The following ESR1 variants were observed in gnomAD, a reference collection of about 807,000 sequenced individuals.
The protein encoded by ESR1 is estrogen receptor.
ESR1 carries 12 observed loss-of-function variants against 52.7 expected under a neutral mutation model. The observed-to-expected ratio is 0.23, with a 90% CI of 0.15 to 0.37. The LOEUF is 0.37. Among genes scored for constraint, ESR1 ranks in the 10% least tolerant of loss-of-function variants. The pLI is 1.00. For synonymous variants in ESR1, 305 were observed against 316.8 expected (o/e 0.96, Z 0.39); for missense variants, 584 against 779.7 (o/e 0.75, Z 2.99).
chr6:151,703,144 G>A (rs1237908177), intron 2 of ESR1, among the ~76,000 whole-genome samples: 7 of 152,190 alleles, frequency 4.6e-5, no homozygotes, highest in Non-Finnish European at 8.8e-5. Flanking sequence ...TTTCCTAATT[G>A]TAGAACTGGC....
chr6:151,888,488 A>C (rs980551316), intron 3 of ESR1, among the ~76,000 whole-genome samples: 2 of 152,110 alleles, frequency 1.3e-5, no homozygotes, highest in Non-Finnish European at 2.9e-5. Flanking sequence ...AGTGTATAGA[A>C]ACACTACTGA....
chr6:151,707,519 C>G (rs1262124004), intron 2 of ESR1, among the ~76,000 whole-genome samples: 1 of 151,676 alleles, frequency 6.6e-6, no homozygotes, highest in Non-Finnish European at 1.5e-5. Context: ...AATAGATACA[C>G]AGGTATATAT....
intron 4 of ESR1, among the ~76,000 whole-genome samples, chr6:152,006,867 G>A (rs1463478028): frequency 6.6e-6 from 1 of 151,998 alleles, no homozygotes. Context: ...TCTACTGAGG[G>A]AACCAACCAC....
intron 6 of ESR1, among the ~76,000 whole-genome samples, chr6:152,076,145 A>T (rs2048716578): frequency 6.6e-6 from 1 of 152,200 alleles, no homozygotes; most frequent in Non-Finnish European, 1.5e-5. Flanking sequence ...TTTTACTCAC[A>T]TAATTTCCAT....
chr6:151,740,360 T>G (rs1448321126), intron 2 of ESR1, among the ~76,000 whole-genome samples: 1 of 139,082 alleles, frequency 7.2e-6, no homozygotes, highest in African/African-American at 2.7e-5. Context: ...GGTCTCAAAC[T>G]CCTGACCTCA....
chr6:151,678,662 T>G (rs1778341122), intron 1 of ESR1, among the ~76,000 whole-genome samples: 1 of 151,040 alleles, frequency 6.6e-6, no homozygotes, highest in African/African-American at 2.4e-5. Flanking sequence ...ATCAGACACC[T>G]GTCTGGGCTC....
chr6:152,111,369 C>T (rs1344544190), intron 6 of ESR1, among the ~76,000 whole-genome samples: 1 of 152,352 alleles, frequency 6.6e-6, no homozygotes, highest in Non-Finnish European at 1.5e-5. Flanking sequence ...AAGTGGCAGA[C>T]GCTAGGCCGT....
intron 3 of ESR1, among the ~76,000 whole-genome samples, chr6:151,904,262 G>A (rs1316122882): frequency 6.6e-6 from 1 of 152,156 alleles, no homozygotes; most frequent in Non-Finnish European, 1.5e-5. Flanking sequence ...CTCCTTTAGG[G>A]AGTAGTAAAG....
chr6:151,720,640 A>G (rs1781386692), intron 2 of ESR1, among the ~76,000 whole-genome samples: 1 of 152,228 alleles, frequency 6.6e-6, no homozygotes, highest in South Asian at 2.1e-4. Flanking sequence ...TTAAAAAACA[A>G]CAAGTATAAT....
chr6:151,855,795 A>C (rs1200455397), intron 2 of ESR1, among the ~76,000 whole-genome samples: 2 of 152,182 alleles, frequency 1.3e-5, no homozygotes, highest in African/African-American at 4.8e-5. Context: ...AAGAGAAAAC[A>C]GAATGCTCTA....
intron 1 of ESR1, among the ~76,000 whole-genome samples, chr6:151,823,667 T>C (rs1342303565): frequency 1.4e-5 from 2 of 144,598 alleles, no homozygotes; most frequent in African/African-American, 2.5e-5. Flanking sequence ...TTCCCCACCC[T>C]GTGTCCAACT....
chr6:152,113,527 G>A (rs1222803355), intron 6 of ESR1, among the ~76,000 whole-genome samples: 2 of 152,002 alleles, frequency 1.3e-5, no homozygotes, highest in Non-Finnish European at 2.9e-5. Context: ...GAGAAGTAAC[G>A]AACTGAGCTG....
intron 4 of ESR1, among the ~76,000 whole-genome samples, chr6:151,993,213 G>T (rs1404278121): frequency 1.3e-5 from 2 of 151,984 alleles, no homozygotes; most frequent in Non-Finnish European, 2.9e-5. Flanking sequence ...GTTGTCCTGG[G>T]CAACTGCCAA....
chr6:151,925,148 T>G (rs371061887), intron 3 of ESR1, among the ~76,000 whole-genome samples: 17 of 53,034 alleles, frequency 3.2e-4, no homozygotes, highest in South Asian at 8.6e-4. Context: ...TTGTTTGTTT[T>G]TTTAGTATTT....
intron 4 of ESR1, among the ~76,000 whole-genome samples, chr6:151,956,843 A>AATAAATATATATATATAT (rs1554293623): frequency 3.6e-4 from 16 of 44,464 alleles, no homozygotes; most frequent in East Asian, 2.6e-3. Context: ...AATATAAATA[A>AATAAATATATATATATAT]ATATATATAT....
chr6:151,747,223 G>C (rs1404918505), intron 2 of ESR1, among the ~76,000 whole-genome samples: 1 of 152,220 alleles, frequency 6.6e-6, no homozygotes, highest in African/African-American at 2.4e-5. Flanking sequence ...AAAGCTCTTA[G>C]ATTGTGAATG....
At chr6:151,833,303 G>A (rs1227640488) in intron 1 of ESR1, among the ~76,000 whole-genome samples, 4 of 152,156 alleles carry the variant, frequency 2.6e-5, no homozygotes, top group Admixed American at 6.5e-5. Context: ...TTTTGGGTGG[G>A]ACATTCATGG....
chr6:151,828,182 C>T (rs989483345), intron 1 of ESR1, among the ~76,000 whole-genome samples: 11 of 152,190 alleles, frequency 7.2e-5, no homozygotes, highest in Non-Finnish European at 1.5e-4. Context: ...CTCAAGGTAT[C>T]TTTAATTATT....
chr6:151,881,441 C>T (rs752664266), intron 3 of ESR1, among the ~76,000 whole-genome samples: 6 of 151,928 alleles, frequency 3.9e-5, no homozygotes, highest in Non-Finnish European at 8.8e-5. Flanking sequence ...CTCATGTATC[C>T]GATCTTCCAG....
Sources: gnomAD v4.1 joint callset for allele counts (sites outside exome capture counted in the v4.1 genomes callset) on GRCh38, gnomAD v4.1.1 for gene constraint, MANE v1.5 for transcripts, NCBI Gene and HGNC (gene_info 2026-07-23, HGNC 2026-07-21) for gene names.